Variants in TPM3 observed in about 807,000 individuals in gnomAD.
TPM3 encodes the protein tropomyosin alpha-3 chain.
In TPM3, 16 loss-of-function variants were observed where a neutral mutation model predicts 43.1. That is an observed-to-expected ratio of 0.37 (90% CI 0.25 to 0.56). TPM3 has a LOEUF of 0.56. TPM3 is among the 20% of genes least tolerant of loss of function. TPM3 has a pLI of 0.77. For missense variants in TPM3, 176 were observed against 337.2 expected (o/e 0.52, Z 3.74); for synonymous variants, 101 against 116.9 (o/e 0.86, Z 0.88).
At chr1:154,185,682 C>T (rs1663385267) in intron 2 of TPM3, among the ~76,000 whole-genome samples, 1 of 150,520 alleles carries the variant, frequency 6.6e-6, no homozygotes. Context: ...TGCACTCCAG[C>T]CTGGGTGACA....
At chr1:154,180,433 G>A (rs1662817641) in intron 2 of TPM3, among the ~76,000 whole-genome samples, 2 of 152,168 alleles carry the variant, frequency 1.3e-5, no homozygotes, top group South Asian at 4.1e-4. Flanking sequence ...TCCTCAGTAG[G>A]GGTTCAAAGT....
In TPM3 at chr1:154,191,168, C is replaced by T. The variant is rs768434643; in HGVS notation, c.243+18G>A. 1.2e-6 allele frequency: 2 copies of T among 1,613,462 alleles called. No individual in the cohort carries two copies. The highest frequency in any genetic ancestry group is 1.7e-6 in the Non-Finnish European group (2 of 1,179,784). ...ATATGTGTAGATTAAACCCATCCTCCATCTCTCTAATACTCACATCAGCAG... is the reference window on the plus strand; with the variant it reads ...ATATGTGTAGATTAAACCCATCCTCTATCTCTCTAATACTCACATCAGCAG... On this transcript the variant is annotated intron_variant, in intron 2 of 9. Transcript: ENST00000651641.
chr1:154,178,052 G>C (rs1343834118), intron 2 of TPM3: 3 of 770,122 alleles, frequency 3.9e-6, no homozygotes, highest in Admixed American at 1.2e-4. Context: ...CAAGGCCATG[G>C]ATCAAGAGCA....
At chr1:154,171,661 C>G (rs1297464071) in intron 5 of TPM3, 173 bp from the exon 6 acceptor site, 1 of 742,374 alleles carries the variant, frequency 1.3e-6, no homozygotes, top group African/African-American at 1.7e-5. Flanking sequence ...CTCCCTCTAC[C>G]ATAGAACGTG....
chr1:154,158,717 G>A (rs888775948), downstream of TPM3: 8 of 486,648 alleles, frequency 1.6e-5, no homozygotes, highest in African/African-American at 7.7e-5. Context: ...CAAAATTCTC[G>A]CAAGTTTTCT....
downstream of TPM3, chr1:154,155,929 T>C (rs558186581): frequency 4.8e-4 from 94 of 194,910 alleles, no homozygotes; most frequent in African/African-American, 2.1e-3. Context: ...ATTTGCTCTA[T>C]ATTAAATCCT....
At chr1:154,156,318 A>G (rs190602481), downstream of TPM3, 5 of 184,316 alleles carry the variant, frequency 2.7e-5, no homozygotes, top group East Asian at 4.4e-4. Context: ...TTCTGTGGAG[A>G]AAGCACATTT....
In TPM3 at chr1:154,166,637, TCA is replaced by T. The variant is rs1432975422; in HGVS notation, c.*1298_*1299del. 2.9e-6 allele frequency: 3 copies of T among 1,037,138 alleles called. No individual in the cohort carries two copies. The African/African-American group carries it at 5.1e-5, about 17-fold the overall frequency. 64.2% of individuals were successfully genotyped at this position (1,037,138 alleles called of 1,614,324 possible). Reference sequence around the variant, plus strand: ...ACTTACGTGCTTGGATTAGTATAATTCACAGCTATACTATTAAGAAATCTCTG... The same window carrying T: ...ACTTACGTGCTTGGATTAGTATAATTCAGCTATACTATTAAGAAATCTCTG... On this transcript the variant is annotated 3_prime_UTR_variant, in exon 10 of 10. Coordinates refer to ENST00000651641, the MANE Select transcript of TPM3 (RefSeq NM_152263.4).
At chr1:154,183,878 TA>T (rs1193382077) in intron 2 of TPM3, 3 of 86,582 alleles carry the variant, frequency 3.5e-5, no homozygotes, top group Admixed American at 1.5e-4. Context: ...TTTTTTTTTT[TA>T]AGAGACAAGA....
chr1:154,174,403 T>TACACACACAC lies in TPM3; in HGVS notation c.378-1203_378-1202insGTGTGTGTGT, dbSNP rs1397064423. Among the ~76,000 whole-genome samples the TACACACACAC allele has an allele frequency of 5.7e-4, 58 of 102,122 alleles. 2 individuals carry two copies. Among genetic ancestry groups the TACACACACAC allele is most frequent in the African/African-American group, 1.9e-3 (40 of 21,116 alleles). The allele number at this position is 102,122 out of a possible 152,430, so 67.0% of individuals were successfully genotyped here. On this transcript the variant is annotated intron_variant, in intron 3 of 9. Coordinates refer to ENST00000651641, the MANE Select transcript of TPM3 (RefSeq NM_152263.4). ...ATATATATATATATATATATATATA[T>TACACACACAC]ATATACACACAAAAATCCCATCCCA...
chr1:154,187,821 C>A lies in TPM3; in HGVS notation c.243+3365G>T, dbSNP rs958880758. Reference sequence around the variant, plus strand: ...TAAGAGCAGACCCAGATTGATGTTACCCAATTTCTCACAAAACTGTTATTA... The same window carrying A: ...TAAGAGCAGACCCAGATTGATGTTAACCAATTTCTCACAAAACTGTTATTA... On this transcript the variant is annotated intron_variant, in intron 2 of 9. Coordinates refer to ENST00000651641, the MANE Select transcript of TPM3 (RefSeq NM_152263.4). Among the ~76,000 whole-genome samples, 5 of 151,472 alleles carry A rather than the reference C, an allele frequency of 3.3e-5. 1 individual carries two copies. The highest frequency in any genetic ancestry group is 1.2e-4 in the African/African-American group (5 of 40,770).
Position 154,176,097 on chromosome 1 carries a change from T to C in TPM3, c.377+18A>G. On this transcript the variant is annotated intron_variant, in intron 3 of 9. Coordinates refer to ENST00000651641, the MANE Select transcript of TPM3 (RefSeq NM_152263.4). ...ATGAACTTTTAAAATCCACACTCCA[T>C]CAGGCTTCCCTACACACCTCTCACT... is the stretch of plus-strand genomic sequence containing the variant. 2 of 1,612,666 alleles carry C rather than the reference T, an allele frequency of 1.2e-6. No individual in the cohort carries two copies. Among genetic ancestry groups the C allele is most frequent in the South Asian group, 2.2e-5 (2 of 91,004 alleles).
intron 1 of TPM3, 36 bp from the exon 2 acceptor site, chr1:154,191,347 C>T: frequency 3.7e-6 from 6 of 1,613,072 alleles, no homozygotes; most frequent in Non-Finnish European, 5.1e-6. Flanking sequence ...CAAAAACACA[C>T]AAACACAACA....
chr1:154,167,995 A>C (rs765781973), intron 9 of TPM3, 55 bp from the exon 10 acceptor site: 10 of 1,612,582 alleles, frequency 6.2e-6, no homozygotes, highest in Non-Finnish European at 8.5e-6. Context: ...CAATCTAGAT[A>C]GCAAACTGGG....
At chr1:154,185,786 A>G (rs1217950063) in intron 2 of TPM3, among the ~76,000 whole-genome samples, 1 of 151,458 alleles carries the variant, frequency 6.6e-6, no homozygotes, top group Admixed American at 6.6e-5. Flanking sequence ...TGGAAGCACA[A>G]TAGTAAAGAG....
intron 1 of TPM3, 58 bp downstream of exon 1, chr1:154,191,844 C>T: frequency 6.3e-7 from 1 of 1,596,452 alleles, no homozygotes. Context: ...ATGAAAACTC[C>T]CTTCCATTTC....
Position 154,173,096 on chromosome 1 carries a change from C to T in TPM3, c.483G>A (p.Arg161=), listed in dbSNP as rs150586027. The change falls in exon 4 of 10, where the codon AGG becomes AGA. Residue 161 remains arginine (R), a synonymous_variant. Coordinates refer to ENST00000651641, the MANE Select transcript of TPM3 (RefSeq NM_152263.4). The part of the protein sequence containing the change: ...EAKHIAEEAD[R]KYEEVARKLV... ...GAAGGTCACTTACCTCTTCATACTT[C>T]CTATCTGCCTCTTCTGCAATGTGCT... 4.3e-6 allele frequency: 7 copies of T among 1,614,106 alleles called. No individual in the cohort carries two copies. In the African/African-American group the frequency reaches 9.3e-5, roughly 22 times the overall value.
intron 2 of TPM3, chr1:154,183,254 C>T: frequency 6.6e-7 from 1 of 1,525,124 alleles, no homozygotes; most frequent in Non-Finnish European, 8.8e-7. Flanking sequence ...TGTGACGTCC[C>T]TCTGCCGCGC....
chr1:154,168,064 C>T (rs1249330619), intron 9 of TPM3, 124 bp from the exon 10 acceptor site: 1 of 1,378,118 alleles, frequency 7.3e-7, no homozygotes, highest in African/African-American at 1.4e-5. Flanking sequence ...GAGAGCCAGA[C>T]ACTTCAGCCT....
Sources: allele counts gnomAD v4.1 joint callset (sites outside exome capture counted in the v4.1 genomes callset), GRCh38; gene constraint gnomAD v4.1.1; transcripts MANE v1.5; gene names NCBI Gene and HGNC (gene_info 2026-07-23, HGNC 2026-07-21).